Variants in SLC2A14 observed in about 807,000 individuals in gnomAD.
The protein encoded by SLC2A14 is solute carrier family 2, facilitated glucose transporter member 14.
In SLC2A14, 13 loss-of-function variants were observed where a neutral mutation model predicts 43.0. That is an observed-to-expected ratio of 0.30 (90% CI 0.20 to 0.48). The LOEUF is 0.48. Ranked by LOEUF, SLC2A14 falls within the 20% of genes least tolerant of loss-of-function variation. The probability of loss-of-function intolerance (pLI) is 0.99; values close to 1 mark genes in which losing one functional copy is unlikely to be tolerated. For missense variants in SLC2A14, 428 were observed against 620.4 expected (o/e 0.69, Z 3.29); for synonymous variants, 190 against 233.8 (o/e 0.81, Z 1.71).
chr12:7,889,461 T>C (rs1285847645), intron 1 of SLC2A14, among the ~76,000 whole-genome samples: 1 of 151,644 alleles, frequency 6.6e-6, no homozygotes, highest in African/African-American at 2.4e-5. Flanking sequence ...CTCGAACTCC[T>C]GACCTCAGGT....
intron 7 of SLC2A14, among the ~76,000 whole-genome samples, chr12:7,821,783 C>T (rs1863929098): frequency 6.6e-6 from 1 of 151,406 alleles, no homozygotes; most frequent in African/African-American, 2.4e-5. Flanking sequence ...GGCACGATTA[C>T]AGGCTCCTGC....
chr12:7,874,947 A>AATACATATATAAAT (rs1565585203), upstream of SLC2A14, among the ~76,000 whole-genome samples: 28 of 17,478 alleles, frequency 1.6e-3, 2 homozygotes, highest in South Asian at 0.02. Flanking sequence ...TTTATATATA[A>AATACATATATAAAT]ATATATTTAT....
At chr12:7,890,264 T>A (rs1392054044) in intron 1 of SLC2A14, among the ~76,000 whole-genome samples, 1 of 151,172 alleles carries the variant, frequency 6.6e-6, no homozygotes, top group South Asian at 2.2e-4. Flanking sequence ...CTGCCACAAC[T>A]CCCTCCTGTT....
intron 1 of SLC2A14, among the ~76,000 whole-genome samples, chr12:7,881,339 GT>G (rs1945567125): frequency 6.6e-6 from 1 of 151,992 alleles, no homozygotes; most frequent in African/African-American, 2.4e-5. Flanking sequence ...CGAGTTCCGG[GT>G]GGGTTTGGGC....
At chr12:7,847,291 T>C (rs965874028) in intron 2 of SLC2A14, among the ~76,000 whole-genome samples, 4 of 152,060 alleles carry the variant, frequency 2.6e-5, no homozygotes, top group African/African-American at 9.7e-5. Context: ...TACATGTGGC[T>C]GATCTGAGTA....
intron 2 of SLC2A14, chr12:7,856,276 G>C (rs1867364584): frequency 6.6e-6 from 1 of 152,122 alleles, no homozygotes; most frequent in African/African-American, 2.4e-5. Context: ...TGCACATCAG[G>C]TGTTGACACT....
intron 1 of SLC2A14, 34 bp downstream of exon 1, chr12:7,872,773 C>T: frequency 1.0e-6 from 1 of 984,862 alleles, no homozygotes. Flanking sequence ...CATTCCCGCA[C>T]CCCCCGGCCG....
chr12:7,868,999 C>A (rs959364707), intron 2 of SLC2A14, among the ~76,000 whole-genome samples: 3 of 151,984 alleles, frequency 2.0e-5, no homozygotes, highest in African/African-American at 7.2e-5. Context: ...ACAAAATTAG[C>A]CGGGCATGGT....
At chr12:7,869,482 C>T (rs1408032100) in intron 2 of SLC2A14, among the ~76,000 whole-genome samples, 1 of 152,154 alleles carries the variant, frequency 6.6e-6, no homozygotes, top group Non-Finnish European at 1.5e-5. Context: ...TTACTGTGTA[C>T]ATTCATATAT....
At chr12:7,831,877 G>C (rs2120787307) in intron 3 of SLC2A14, 113 bp from the exon 4 acceptor site, 1 of 1,351,884 alleles carries the variant, frequency 7.4e-7, no homozygotes, top group Non-Finnish European at 1.0e-6. Flanking sequence ...GGAAGGCCGA[G>C]GCGGGTGGAT....
At chr12:7,828,007 C>T (rs762444629) in intron 6 of SLC2A14, among the ~76,000 whole-genome samples, 5 of 151,846 alleles carry the variant, frequency 3.3e-5, no homozygotes, top group Non-Finnish European at 7.4e-5. Context: ...CTTTGTCTAT[C>T]GAGTAGCCAT....
chr12:7,878,144 G>C (rs1283529367), upstream of SLC2A14, among the ~76,000 whole-genome samples: 5 of 152,070 alleles, frequency 3.3e-5, 1 homozygote, highest in Admixed American at 2.6e-4. Flanking sequence ...TCTGCCTCCT[G>C]GGTTCAAGGA....
intron 1 of SLC2A14, among the ~76,000 whole-genome samples, chr12:7,883,263 C>CTTTTTTTTTTTTTTT (rs372464881): frequency 5.5e-5 from 6 of 108,404 alleles, no homozygotes; most frequent in Non-Finnish European, 9.0e-5. Flanking sequence ...TTCTTTCTTT[C>CTTTTTTTTTTTTTTT]TTTTTTTTTT....
intron 7 of SLC2A14, among the ~76,000 whole-genome samples, chr12:7,821,777 C>T (rs1389229739): frequency 2.6e-5 from 4 of 151,288 alleles, no homozygotes; most frequent in East Asian, 1.9e-4. Flanking sequence ...TGCAGTGGCA[C>T]GATTACAGGC....
At chr12:7,843,905 A>AT (rs1198931053) in intron 2 of SLC2A14, among the ~76,000 whole-genome samples, 19 of 147,518 alleles carry the variant, frequency 1.3e-4, no homozygotes, top group South Asian at 2.2e-4. Context: ...AGAAAAAAAC[A>AT]CATTGTTTTC....
At chr12:7,843,153 G>C (rs1866131137) in intron 2 of SLC2A14, among the ~76,000 whole-genome samples, 1 of 151,388 alleles carries the variant, frequency 6.6e-6, no homozygotes, top group Non-Finnish European at 1.5e-5. Context: ...AGACAACTTA[G>C]TCAGCTGACC....
intron 1 of SLC2A14, chr12:7,871,444 C>T (rs1945228761): frequency 4.6e-6 from 1 of 218,432 alleles, no homozygotes; most frequent in African/African-American, 2.3e-5. Flanking sequence ...ACACACTGGT[C>T]TGTACCAGCT....
At position 7,821,201 on chromosome 12, in the gene SLC2A14, T is replaced by C; in HGVS notation, c.969+20A>G. The C allele has an allele frequency of 1.9e-6, 3 of 1,596,260 alleles. No individual in the cohort carries two copies. The highest frequency in any genetic ancestry group is 2.6e-6 in the Non-Finnish European group (3 of 1,164,510). On this transcript the variant is annotated intron_variant, in intron 8 of 10. Coordinates refer to ENST00000431042, the MANE Select transcript of SLC2A14 (RefSeq NM_001286234.2). ...AAGGATTCATTTCTCCCCCCAAAAT[T>C]ATCAAACCATCCAACTTACAGAAAG...
At chr12:7,819,339 C>T in intron 9 of SLC2A14, 143 bp downstream of exon 9, 3 of 1,432,874 alleles carry the variant, frequency 2.1e-6, no homozygotes, top group African/African-American at 2.9e-5. Context: ...ACCCATGTTT[C>T]TTAAAAACTC....
Sources: gnomAD v4.1 joint callset for allele counts (sites outside exome capture counted in the v4.1 genomes callset) on GRCh38, gnomAD v4.1.1 for gene constraint, MANE v1.5 for transcripts, NCBI Gene and HGNC (gene_info 2026-07-23, HGNC 2026-07-21) for gene names.